Variants in LANCL3 observed in about 807,000 individuals in gnomAD.
The protein encoded by LANCL3 is lanC-like protein 3.
Under a neutral mutation model 26.5 loss-of-function variants are expected in LANCL3, and 19 were observed. The ratio of observed to expected loss-of-function variants is 0.72; its 90% CI spans 0.50 to 1.05. The LOEUF (loss-of-function observed/expected upper bound fraction) is 1.05, where lower values mean the gene tolerates loss of function less well. Ranked by LOEUF, LANCL3 falls within the 50% of genes least tolerant of loss-of-function variation. LANCL3 has a pLI of 0.00. For missense variants in LANCL3, 318 were observed against 362.7 expected (o/e 0.88, Z 1.00); for synonymous variants, 160 against 166.6 (o/e 0.96, Z 0.30).
chrX:37,658,302 AT>A (rs1926334724), intron 2 of LANCL3, among the ~76,000 whole-genome samples: 1 of 112,255 alleles, frequency 8.9e-6, no homozygotes, highest in South Asian at 3.7e-4. Context: ...ATTGTAAGGA[AT>A]TGGCTCACAT....
chrX:37,658,467 T>A (rs1307656065), intron 2 of LANCL3, among the ~76,000 whole-genome samples: 2 of 111,988 alleles, frequency 1.8e-5, no homozygotes, highest in Admixed American at 1.9e-4. Flanking sequence ...CTTTATTCTA[T>A]TCAGGCCTTC....
At chrX:37,639,606 C>T (rs1456057323) in intron 1 of LANCL3, among the ~76,000 whole-genome samples, 1 of 110,948 alleles carries the variant, frequency 9.0e-6, no homozygotes, top group Non-Finnish European at 1.9e-5. Context: ...GGAAAATATC[C>T]AGCTATGCTA....
chrX:37,655,494 A>T (rs1316453819), intron 1 of LANCL3, among the ~76,000 whole-genome samples, 194 bp from the exon 2 acceptor site: 1 of 112,311 alleles, frequency 8.9e-6, no homozygotes, highest in African/African-American at 3.2e-5. Flanking sequence ...TTTTCTAAAG[A>T]GGGTAGGTTT....
chrX:37,604,112 G>A (rs1001803377), intron 1 of LANCL3, among the ~76,000 whole-genome samples: 7 of 112,603 alleles, frequency 6.2e-5, no homozygotes, highest in Non-Finnish European at 1.3e-4. Context: ...TCTGCCCTTT[G>A]TTGTACTTGA....
At chrX:37,617,456 A>C (rs1224763477) in intron 1 of LANCL3, among the ~76,000 whole-genome samples, 6 of 111,087 alleles carry the variant, frequency 5.4e-5, no homozygotes, top group Admixed American at 9.6e-5. Context: ...TTCTCATCCA[A>C]CCATATTCAA....
chrX:37,586,745 T>G (rs186156096), intron 1 of LANCL3, among the ~76,000 whole-genome samples: 1 of 112,148 alleles, frequency 8.9e-6, no homozygotes, highest in African/African-American at 3.2e-5. Context: ...GGTTCAAACT[T>G]CCCCCTTTAG....
chrX:37,635,114 G>C (rs1433369339), intron 1 of LANCL3, among the ~76,000 whole-genome samples: 2 of 111,313 alleles, frequency 1.8e-5, no homozygotes, highest in African/African-American at 3.3e-5. Flanking sequence ...GAACAATTCT[G>C]ATCTGGACAG....
At chrX:37,574,628 A>G (rs1482381992) in intron 1 of LANCL3, among the ~76,000 whole-genome samples, 1 of 111,742 alleles carries the variant, frequency 8.9e-6, no homozygotes, top group Non-Finnish European at 1.9e-5. Flanking sequence ...TCCCTGCTCA[A>G]CATACTGCAG....
intron 4 of LANCL3, chrX:37,668,596 A>G (rs1202691867): frequency 1.0e-5 from 2 of 191,906 alleles, no homozygotes; most frequent in Non-Finnish European, 1.0e-5. Flanking sequence ...ATAACCATGA[A>G]TGGTTACAAA....
intron 1 of LANCL3, among the ~76,000 whole-genome samples, chrX:37,608,572 G>A (rs1192192908): frequency 1.8e-5 from 2 of 111,567 alleles, no homozygotes; most frequent in Non-Finnish European, 3.8e-5. Flanking sequence ...ATCAGGGAAT[G>A]GAAGGGTCTG....
At chrX:37,622,667 C>T (rs1025793719) in intron 1 of LANCL3, among the ~76,000 whole-genome samples, 1 of 111,780 alleles carries the variant, frequency 8.9e-6, no homozygotes, top group Admixed American at 9.5e-5. Context: ...ATCTTTTTCT[C>T]CTTCACAACA....
rs2146700349 is a variant in LANCL3 at position 37,572,459 on chromosome X, G to T, written c.573+16G>T. The T allele has an allele frequency of 8.6e-7, 1 of 1,156,755 alleles. No individual in the cohort carries two copies. The highest frequency in any genetic ancestry group is 2.6e-5 in the Admixed American group (1 of 39,001). On this transcript the variant is annotated intron_variant, in intron 1 of 4. Transcript: ENST00000378619. The stretch of plus-strand genomic sequence containing the variant: ...CGCCCAGGAGGTAAGAGGTAGCCCG[G>T]GCCGCGGGAGGGCGCTCGCCGCCTG...
chrX:37,586,554 C>T (rs1284963112), intron 1 of LANCL3, among the ~76,000 whole-genome samples: 3 of 111,758 alleles, frequency 2.7e-5, no homozygotes, highest in South Asian at 3.8e-4. Flanking sequence ...ATTTCATCTT[C>T]CATCACTGAT....
At chrX:37,671,364 C>T (rs1318102206) in intron 4 of LANCL3, among the ~76,000 whole-genome samples, 7 of 111,084 alleles carry the variant, frequency 6.3e-5, no homozygotes, top group African/African-American at 2.3e-4. Flanking sequence ...TATGTTTTAC[C>T]GTGGTCTTTT....
chrX:37,656,445 C>G (rs781983410), intron 2 of LANCL3, among the ~76,000 whole-genome samples: 15 of 111,556 alleles, frequency 1.3e-4, no homozygotes, highest in Non-Finnish European at 2.6e-4. Context: ...GTCCATGTTC[C>G]TTTTGCCTAG....
intron 1 of LANCL3, among the ~76,000 whole-genome samples, chrX:37,611,040 A>G (rs887540340): frequency 3.6e-5 from 4 of 111,634 alleles, no homozygotes; most frequent in Non-Finnish European, 7.5e-5. Flanking sequence ...GCTCGAGCCC[A>G]TGGAGACTCT....
chrX:37,573,515 GA>G (rs1923660001), intron 1 of LANCL3, among the ~76,000 whole-genome samples: 1 of 111,485 alleles, frequency 9.0e-6, no homozygotes, highest in Non-Finnish European at 1.9e-5. Flanking sequence ...ATTCAAGTGA[GA>G]AAAAAGATTA....
In LANCL3 at chrX:37,682,510, T is replaced by A. The variant is rs1302909956; in HGVS notation, c.*6697T>A. On this transcript the variant is annotated 3_prime_UTR_variant, in exon 5 of 5. Transcript: ENST00000378619. ...TGTCAATCTTTAACAAGTGATCTTT[T>A]TGCAACTTGGTTTTAGTGGGGTCTC... 1 of 112,216 alleles carries A rather than the reference T, an allele frequency of 8.9e-6. No homozygotes were observed. Among genetic ancestry groups the A allele is most frequent in the African/African-American group, 3.2e-5 (1 of 30,856 alleles). The allele number at this position is 112,216 out of a possible 1,213,427, so 9.2% of individuals were successfully genotyped here. A position where few individuals can be genotyped will look rare whatever the true frequency, so the allele number is the denominator to read the frequency against.
At chrX:37,672,564 C>T (rs186831425) in intron 4 of LANCL3, among the ~76,000 whole-genome samples, 75 of 111,892 alleles carry the variant, frequency 6.7e-4, no homozygotes, top group African/African-American at 2.3e-3. Flanking sequence ...ATCTCAGTTC[C>T]GATTGGTCAG....
Sources: gnomAD v4.1 joint callset for allele counts (sites outside exome capture counted in the v4.1 genomes callset) on GRCh38, gnomAD v4.1.1 for gene constraint, MANE v1.5 for transcripts, NCBI Gene and HGNC (gene_info 2026-07-23, HGNC 2026-07-21) for gene names.